FAM149B1: variants seen among roughly 807,000 people sequenced by gnomAD.
The protein encoded by FAM149B1 is family with sequence similarity 149 member B1.
In FAM149B1, 56 loss-of-function variants were observed where a neutral mutation model predicts 75.3. That is an observed-to-expected ratio of 0.74 (90% confidence interval 0.60 to 0.93). FAM149B1 has a LOEUF of 0.93. Among genes scored for constraint, FAM149B1 ranks in the 40% least tolerant of loss-of-function variants. The pLI, the probability that FAM149B1 is intolerant of heterozygous loss-of-function variation, is 0.00. For missense variants in FAM149B1, 639 were observed against 708.4 expected, an observed-to-expected ratio of 0.90 and a Z score of 1.11; for synonymous variants, 259 against 256.1, an observed-to-expected ratio of 1.01 and a Z score of -0.11.
In FAM149B1 at chr10:73,174,775, G is replaced by A. The variant is rs1843873076; in HGVS notation, c.136G>A (p.Asp46Asn). 2 of 1,548,902 alleles carry A rather than the reference G, an allele frequency of 1.3e-6. No homozygotes were observed. The highest frequency in any genetic ancestry group is 1.7e-6 in the Non-Finnish European group (2 of 1,144,494). Residue 46 changes from aspartate (D) to asparagine (N), a missense_variant, in exon 2 of 14, where the codon GAC becomes AAC. Physicochemically the swap from Asp to Asn is conservative, Grantham distance 23 (BLOSUM62 1). Transcript: ENST00000242505. ...ISPTSDSHEK[D>N]TSSQSKSDIT... ...CCCCACCAGTGACAGTCATGAGAAA[G>A]ACACAAGTTCCCAAAGGTAATAACA...
intron 3 of FAM149B1, among the ~76,000 whole-genome samples, chr10:73,181,634 T>C (rs2042399726): frequency 6.6e-6 from 1 of 152,218 alleles, no homozygotes; most frequent in Admixed American, 6.5e-5. Flanking sequence ...TTCAGTTTTT[T>C]TGGTCTTAAG....
chr10:73,203,221 C>T (rs952347490), intron 5 of FAM149B1, among the ~76,000 whole-genome samples: 5 of 152,206 alleles, frequency 3.3e-5, no homozygotes, highest in African/African-American at 1.2e-4. Context: ...GTATCCCTTG[C>T]AGTCACACCA....
chr10:73,236,163 T>G (rs374826265), intron 12 of FAM149B1, among the ~76,000 whole-genome samples: 1 of 152,188 alleles, frequency 6.6e-6, no homozygotes, highest in Non-Finnish European at 1.5e-5. Context: ...GTGGTAAGGA[T>G]AATCAATATC....
chr10:73,235,466 A>T lies in FAM149B1; in HGVS notation c.1602+148A>T, dbSNP rs573314656. On this transcript the variant is annotated intron_variant, in intron 12 of 13. Coordinates refer to ENST00000242505, the MANE Select transcript of FAM149B1 (RefSeq NM_173348.2). ...CAACAATAAAAAGTGTTATAAATAC[A>T]TTTTGTTCAAATTCTAACTAGTCCC... The T allele has an allele frequency of 9.7e-6, 14 of 1,438,152 alleles. No homozygotes were observed. In the African/African-American group the frequency reaches 1.7e-4, roughly 18 times the overall value. The allele number at this position is 1,438,152 out of a possible 1,614,324, so 89.1% of individuals were successfully genotyped here. A position where few individuals can be genotyped will look rare whatever the true frequency, so the allele number is the denominator to read the frequency against.
intron 5 of FAM149B1, among the ~76,000 whole-genome samples, chr10:73,194,228 A>G (rs1321672376): frequency 6.6e-6 from 1 of 152,096 alleles, no homozygotes; most frequent in Non-Finnish European, 1.5e-5. Context: ...GGATATTCTT[A>G]TTATTCAGGT....
At chr10:73,198,043 A>G (rs2042849531) in intron 5 of FAM149B1, among the ~76,000 whole-genome samples, 1 of 152,236 alleles carries the variant, frequency 6.6e-6, no homozygotes, top group African/African-American at 2.4e-5. Flanking sequence ...TGGAGAGCTC[A>G]AAAATAAACC....
chr10:73,238,476 G>A lies in FAM149B1; in HGVS notation c.1603-836G>A, dbSNP rs181928396. Among the ~76,000 whole-genome samples the A allele has an allele frequency of 2.2e-3, 339 of 152,314 alleles. 3 individuals carry two copies. The highest frequency in any genetic ancestry group is 7.6e-3 in the African/African-American group (315 of 41,552). On this transcript the variant is annotated intron_variant, in intron 12 of 13. Transcript: ENST00000242505. ...TCCTGGGCTACTCACTTGGCCTACC[G>A]CCTTGTTTTGTAAATAAACTTTTAT...
At chr10:73,174,451 A>G (rs1439233509) in intron 1 of FAM149B1, among the ~76,000 whole-genome samples, 1 of 152,224 alleles carries the variant, frequency 6.6e-6, no homozygotes, top group East Asian at 1.9e-4. Flanking sequence ...CCAAAATATT[A>G]TCATTTTAAT....
At chr10:73,235,508 A>C (rs2043801660) in intron 12 of FAM149B1, 190 bp downstream of exon 12, 5 of 1,309,358 alleles carry the variant, frequency 3.8e-6, no homozygotes, top group Non-Finnish European at 5.0e-6. Context: ...CTATTCTTTA[A>C]TGCCTTATAC....
chr10:73,195,428 T>G (rs1427210534), intron 5 of FAM149B1, among the ~76,000 whole-genome samples: 2 of 152,208 alleles, frequency 1.3e-5, no homozygotes, highest in Non-Finnish European at 2.9e-5. Flanking sequence ...TTATATAATA[T>G]AAAAAATTTT....
In FAM149B1 at chr10:73,242,882, G is replaced by C. The variant is rs1240282665; in HGVS notation, c.*1863G>C. 6 of 152,716 alleles carry C rather than the reference G, an allele frequency of 3.9e-5. No individual in the cohort carries two copies. The highest frequency in any genetic ancestry group is 2.6e-4 in the Admixed American group (4 of 15,332). 9.5% of individuals were successfully genotyped at this position (152,716 alleles called of 1,614,324 possible). A position where few individuals can be genotyped will look rare whatever the true frequency, so the allele number is the denominator to read the frequency against. ...ATATACACCTCTTACAAAAATGCTT[G>C]AAGTAATTTAACACCTGTACATCAG... On this transcript the variant is annotated 3_prime_UTR_variant, in exon 14 of 14. Transcript: ENST00000242505.
chr10:73,229,963 TC>T (rs763698392), intron 8 of FAM149B1, among the ~76,000 whole-genome samples: 7 of 152,120 alleles, frequency 4.6e-5, no homozygotes, highest in Admixed American at 6.5e-5. Flanking sequence ...ATTTAGGTTA[TC>T]ATTGAGGGCT....
chr10:73,168,646 A>G (rs1564672071), intron 1 of FAM149B1, among the ~76,000 whole-genome samples: 1 of 152,216 alleles, frequency 6.6e-6, no homozygotes, highest in Non-Finnish European at 1.5e-5. Context: ...TTCAGGTCCC[A>G]TTGTTAATGG....
chr10:73,218,629 A>G (rs901441990), intron 7 of FAM149B1, among the ~76,000 whole-genome samples: 1 of 152,250 alleles, frequency 6.6e-6, no homozygotes, highest in Non-Finnish European at 1.5e-5. Context: ...TTTGGTTAAG[A>G]GGATCTTTGA....
intron 7 of FAM149B1, among the ~76,000 whole-genome samples, chr10:73,221,083 A>G (rs1248814943): frequency 6.6e-6 from 1 of 152,204 alleles, no homozygotes; most frequent in African/African-American, 2.4e-5. Context: ...AGGCAGAGCC[A>G]TAGAGACAGA....
Position 73,243,621 on chromosome 10 carries a change from T to C in FAM149B1, c.*2602T>C. On this transcript the variant is annotated 3_prime_UTR_variant, in exon 14 of 14. Coordinates refer to ENST00000242505, the MANE Select transcript of FAM149B1 (RefSeq NM_173348.2). The stretch of plus-strand genomic sequence containing the variant: ...GAAAAGTGGAATAACTACTAATGGG[T>C]ATGGAGTTTTTTTGGAATGGTGAAA... 1 of 1,447,670 alleles carries C rather than the reference T, an allele frequency of 6.9e-7. No homozygotes were observed. The highest frequency in any genetic ancestry group is 1.4e-5 in the African/African-American group (1 of 70,116). 89.7% of individuals were successfully genotyped at this position (1,447,670 alleles called of 1,614,324 possible).
chr10:73,206,138 A>G (rs11000548), intron 5 of FAM149B1, among the ~76,000 whole-genome samples: 23,437 of 152,212 alleles, frequency 0.15, 2,959 homozygotes, highest in African/African-American at 0.32. Flanking sequence ...GGGAACTGGA[A>G]GAAAGGGCAT....
intron 3 of FAM149B1, among the ~76,000 whole-genome samples, chr10:73,183,038 G>A (rs573825513): frequency 6.6e-6 from 1 of 152,258 alleles, no homozygotes; most frequent in Admixed American, 6.5e-5. Flanking sequence ...CCTGCCTGGG[G>A]ACAATTTTCT....
chr10:73,171,547 A>G (rs181655100), intron 1 of FAM149B1, among the ~76,000 whole-genome samples: 2 of 152,204 alleles, frequency 1.3e-5, no homozygotes, highest in African/African-American at 4.8e-5. Flanking sequence ...AGAGAATAGT[A>G]TCATGCACTA....
Sources: gnomAD v4.1 joint callset for allele counts (sites outside exome capture counted in the v4.1 genomes callset) on GRCh38, gnomAD v4.1.1 for gene constraint, MANE v1.5 for transcripts, NCBI Gene and HGNC (gene_info 2026-07-23, HGNC 2026-07-21) for gene names.